Variants in KIF26B observed in about 807,000 individuals in gnomAD.
KIF26B encodes the protein kinesin-like protein KIF26B.
A neutral mutation model predicts 151.2 loss-of-function variants in KIF26B; 63 were observed. The ratio of observed to expected loss-of-function variants is 0.42; its 90% CI spans 0.34 to 0.51. The LOEUF (loss-of-function observed/expected upper bound fraction) is 0.51. Among genes scored for constraint, KIF26B ranks in the 20% least tolerant of loss-of-function variants. KIF26B has a pLI of 0.07. For synonymous variants in KIF26B, 1,357 were observed against 1,262.1 expected (o/e 1.08, Z -1.59); for missense variants, 2,813 against 2,913.6 (o/e 0.97, Z 0.79).
intron 2 of KIF26B, among the ~76,000 whole-genome samples, chr1:245,350,049 A>ATT (rs1179060968): frequency 1.3e-5 from 2 of 150,232 alleles, no homozygotes; most frequent in East Asian, 2.2e-4. Flanking sequence ...ATATATATAT[A>ATT]TATTTTTTTT....
chr1:245,283,173 A>G, intron 2 of KIF26B: 1 of 158,018 alleles, frequency 6.3e-6, no homozygotes, highest in Non-Finnish European at 1.4e-5. Flanking sequence ...ACACGCCTTT[A>G]CCGGAGAGCA....
intron 4 of KIF26B, among the ~76,000 whole-genome samples, chr1:245,440,160 G>A (rs952892781): frequency 6.6e-5 from 10 of 151,908 alleles, no homozygotes; most frequent in South Asian, 2.1e-4. Context: ...GGCGGAGCTC[G>A]CAGTGAGCCG....
At position 245,306,903 on chromosome 1, in the gene KIF26B, G is replaced by T. The variant is rs575996159; in HGVS notation, c.466-59931G>T. Among the ~76,000 whole-genome samples, 54 of 152,232 alleles carry T rather than the reference G, an allele frequency of 3.5e-4. 1 individual carries two copies. The South Asian group carries it at 0.011, about 32-fold the overall frequency. ...GGACACCTGACCCCTAAACTTATCTGATTGGTACGTGATACATTTTTATCA... is the reference window on the plus strand; with the variant it reads ...GGACACCTGACCCCTAAACTTATCTTATTGGTACGTGATACATTTTTATCA... On this transcript the variant is annotated intron_variant, in intron 2 of 14. Coordinates refer to ENST00000407071, the MANE Select transcript of KIF26B (RefSeq NM_018012.4).
intron 12 of KIF26B, among the ~76,000 whole-genome samples, chr1:245,697,850 G>A (rs1445533164): frequency 6.6e-6 from 1 of 152,046 alleles, no homozygotes; most frequent in African/African-American, 2.4e-5. Flanking sequence ...GACCAGCCTG[G>A]GCAATATAGC....
At chr1:245,483,477 A>G (rs936453401) in intron 4 of KIF26B, among the ~76,000 whole-genome samples, 2 of 151,856 alleles carry the variant, frequency 1.3e-5, no homozygotes, top group Non-Finnish European at 2.9e-5. Flanking sequence ...CAGTCTCACC[A>G]CAGCTGGTGT....
At chr1:245,528,690 C>T (rs1661296062) in intron 4 of KIF26B, among the ~76,000 whole-genome samples, 2 of 152,180 alleles carry the variant, frequency 1.3e-5, no homozygotes, top group African/African-American at 4.8e-5. Flanking sequence ...TTCTATTCCA[C>T]AGGAATTGGG....
rs141758712 is a variant in KIF26B at position 245,550,033 on chromosome 1, C to T, written c.1350+9083C>T. ...ACCTCAGGTGATCCGCCCGCCTCGGCTTCTCAAAGTGCTGGGATTACAGGA... is the reference window on the plus strand; with the variant it reads ...ACCTCAGGTGATCCGCCCGCCTCGGTTTCTCAAAGTGCTGGGATTACAGGA... On this transcript the variant is annotated intron_variant, in intron 5 of 14. Coordinates refer to ENST00000407071, the MANE Select transcript of KIF26B (RefSeq NM_018012.4). Among the ~76,000 whole-genome samples the T allele has an allele frequency of 6.4e-3, 981 of 152,310 alleles. 13 individuals are homozygous for T. Among genetic ancestry groups the T allele is most frequent in the African/African-American group, 0.023 (939 of 41,580 alleles).
rs991504102 is a variant in KIF26B, at chr1:245,597,310, T to G, written c.1351-5267T>G. ...GTTTAGTGCTTCCTTCAGGAGCTCTTGTAAGGCAGGCCTGGTGGTGACAAA... is the reference window on the plus strand; with the variant it reads ...GTTTAGTGCTTCCTTCAGGAGCTCTGGTAAGGCAGGCCTGGTGGTGACAAA... On this transcript the variant is annotated intron_variant, in intron 5 of 14. Coordinates refer to ENST00000407071, the MANE Select transcript of KIF26B (RefSeq NM_018012.4). This position sits in a 1 kb window ranked among gnomAD's most constrained non-coding sequence, Gnocchi z 4.6. Among the ~76,000 whole-genome samples the G allele has an allele frequency of 6.6e-6, 1 of 152,200 alleles. No homozygotes were observed. Among genetic ancestry groups the G allele is most frequent in the African/African-American group, 2.4e-5 (1 of 41,436 alleles).
chr1:245,586,531 G>A (rs985522556), intron 5 of KIF26B, among the ~76,000 whole-genome samples: 7 of 152,100 alleles, frequency 4.6e-5, no homozygotes, highest in Non-Finnish European at 1.0e-4. Context: ...TCCACAATTT[G>A]TCATTCCTCT....
At chr1:245,210,982 T>C (rs1669508737) in intron 2 of KIF26B, among the ~76,000 whole-genome samples, 1 of 152,222 alleles carries the variant, frequency 6.6e-6, no homozygotes, top group Non-Finnish European at 1.5e-5. Context: ...GTTATTTGTC[T>C]TTCCAGACCA....
chr1:245,635,517 C>G (rs1252998696), intron 9 of KIF26B, among the ~76,000 whole-genome samples: 2 of 152,076 alleles, frequency 1.3e-5, no homozygotes, highest in Non-Finnish European at 2.9e-5. Flanking sequence ...TTTCCCAGAT[C>G]ATTTGTGCTA....
At chr1:245,408,432 G>T (rs1192368253) in intron 3 of KIF26B, among the ~76,000 whole-genome samples, 1 of 136,364 alleles carries the variant, frequency 7.3e-6, no homozygotes, top group Admixed American at 8.8e-5. Context: ...TCAGCTCACT[G>T]CAACCTCCGC....
At chr1:245,493,509 G>C (rs1274745509) in intron 4 of KIF26B, among the ~76,000 whole-genome samples, 1 of 152,252 alleles carries the variant, frequency 6.6e-6, no homozygotes, top group Non-Finnish European at 1.5e-5. Context: ...AATAGAGATA[G>C]CCAAGGCAGC....
intron 5 of KIF26B, among the ~76,000 whole-genome samples, chr1:245,592,165 A>G (rs949021134): frequency 3.9e-5 from 6 of 152,128 alleles, no homozygotes; most frequent in African/African-American, 1.4e-4. Context: ...CCCGGTTTTT[A>G]ATAATGCAAA....
chr1:245,682,062 G>T (rs1281143456), intron 10 of KIF26B, among the ~76,000 whole-genome samples: 1 of 152,092 alleles, frequency 6.6e-6, no homozygotes. Context: ...GGCCAACATG[G>T]GTGAAACCCC....
intron 2 of KIF26B, among the ~76,000 whole-genome samples, chr1:245,265,344 G>A (rs747384074): frequency 2.2e-4 from 34 of 152,022 alleles, no homozygotes; most frequent in South Asian, 8.3e-4. Flanking sequence ...AGACTTCTAC[G>A]TAAGGAAACT....
At chr1:245,187,308 T>C (rs1256837780) in intron 2 of KIF26B, among the ~76,000 whole-genome samples, 1 of 152,224 alleles carries the variant, frequency 6.6e-6, no homozygotes, top group Non-Finnish European at 1.5e-5. Context: ...CTAAATAATG[T>C]GTACACATGG....
At chr1:245,322,153 A>G (rs1671897866) in intron 2 of KIF26B, among the ~76,000 whole-genome samples, 1 of 152,172 alleles carries the variant, frequency 6.6e-6, no homozygotes, top group Admixed American at 6.5e-5. Context: ...GTTCTCGCTC[A>G]TAAGTAGGAG....
Position 245,156,537 on chromosome 1 carries a change from G to C in KIF26B, c.319G>C (p.Gly107Arg). 3 of 1,536,478 alleles carry C rather than the reference G, an allele frequency of 2.0e-6. No individual in the cohort carries two copies. Among genetic ancestry groups the C allele is most frequent in the South Asian group, 1.2e-5 (1 of 84,190 alleles). Residue 107 changes from glycine (G) to arginine (R), a missense_variant, in exon 2 of 15, where the codon GGC becomes CGC. By Grantham distance (125) the Gly-to-Arg change is moderately radical. Coordinates refer to ENST00000407071, the MANE Select transcript of KIF26B (RefSeq NM_018012.4). ...PGSLGGSPGF[G>R]TGSPGSGSGG... ...CTCCTTGGGCGGCTCTCCGGGCTTC[G>C]GCACAGGCTCCCCGGGCTCCGGCAG...
Sources: allele counts gnomAD v4.1 joint callset (sites outside exome capture counted in the v4.1 genomes callset), GRCh38; gene constraint gnomAD v4.1.1; non-coding constraint Gnocchi (gnomAD v3.1); transcripts MANE v1.5; gene names NCBI Gene and HGNC (gene_info 2026-07-23, HGNC 2026-07-21).